Variants in SND1 observed in about 807,000 individuals in gnomAD.
SND1 encodes the protein staphylococcal nuclease and tudor domain containing 1, also known as staphylococcal nuclease domain-containing protein 1.
SND1 carries 38 observed loss-of-function variants against 121.7 expected under a neutral mutation model. The ratio of observed to expected loss-of-function variants is 0.31; its 90% CI spans 0.24 to 0.41. The LOEUF (loss-of-function observed/expected upper bound fraction) is 0.41. Among genes scored for constraint, SND1 ranks in the 10% least tolerant of loss-of-function variants. The probability of loss-of-function intolerance (pLI) is 1.00; values close to 1 mark genes in which losing one functional copy is unlikely to be tolerated. For synonymous variants in SND1, 401 were observed against 447.4 expected (o/e 0.90, Z 1.31); for missense variants, 868 against 1,184.6 (o/e 0.73, Z 3.92).
intron 12 of SND1, among the ~76,000 whole-genome samples, chr7:127,876,656 G>A (rs951815419): frequency 6.6e-6 from 1 of 152,140 alleles, no homozygotes; most frequent in Non-Finnish European, 1.5e-5. Context: ...TGAATGCATG[G>A]CATATTTAGC....
intron 4 of SND1, among the ~76,000 whole-genome samples, chr7:127,699,627 G>A (rs1796068366): frequency 6.6e-6 from 1 of 152,180 alleles, no homozygotes; most frequent in African/African-American, 2.4e-5. Flanking sequence ...AAGGGGTTGT[G>A]TGTATGTCAG....
At chr7:127,851,495 A>G (rs538172868) in intron 12 of SND1, among the ~76,000 whole-genome samples, 2 of 152,350 alleles carry the variant, frequency 1.3e-5, no homozygotes, top group South Asian at 2.1e-4. Flanking sequence ...GCTTAGCTAG[A>G]CAGCTGGCCA....
intron 11 of SND1, among the ~76,000 whole-genome samples, chr7:127,830,105 G>A (rs535875631): frequency 1.3e-5 from 2 of 151,992 alleles, no homozygotes; most frequent in South Asian, 2.1e-4. Flanking sequence ...CTTGGTGGCC[G>A]GGTGCGGTGG....
At chr7:127,805,149 T>A (rs1211048723) in intron 10 of SND1, among the ~76,000 whole-genome samples, 3 of 152,220 alleles carry the variant, frequency 2.0e-5, no homozygotes, top group African/African-American at 4.8e-5. Flanking sequence ...ATCCTGTACA[T>A]CTGTCCCTTG....
Position 127,792,416 on chromosome 7 carries a change from G to C in SND1, c.1153-15068G>C, listed in dbSNP as rs539049225. 3.9e-5 allele frequency among the ~76,000 whole-genome samples: 6 copies of C among 152,264 alleles called. No individual in the cohort carries two copies. In the East Asian group the frequency reaches 9.6e-4, roughly 24 times the overall value. On this transcript the variant is annotated intron_variant, in intron 10 of 23. Coordinates refer to ENST00000354725, the MANE Select transcript of SND1 (RefSeq NM_014390.4). ...AGGGTGCTTTTAGCTACTGTGTCAG[G>C]ATCCAGTAAGGAGACAGAAAGCACA...
chr7:127,696,348 C>T (rs1390095418), intron 3 of SND1, among the ~76,000 whole-genome samples: 7 of 152,158 alleles, frequency 4.6e-5, no homozygotes, highest in Non-Finnish European at 5.9e-5. Context: ...AAAACGGCTA[C>T]CTGCTTCTTA....
chr7:128,055,291 T>C (rs1793120496), intron 16 of SND1, among the ~76,000 whole-genome samples: 1 of 152,184 alleles, frequency 6.6e-6, no homozygotes, highest in Non-Finnish European at 1.5e-5. Flanking sequence ...GTTCCCATGT[T>C]CTTGTCATCT....
chr7:127,683,136 G>C (rs1795756325), intron 1 of SND1, among the ~76,000 whole-genome samples: 1 of 152,306 alleles, frequency 6.6e-6, no homozygotes, highest in African/African-American at 2.4e-5. Flanking sequence ...GACTGTTGGC[G>C]AGTAAGACAG....
intron 10 of SND1, among the ~76,000 whole-genome samples, chr7:127,730,537 T>C (rs1172530845): frequency 6.6e-6 from 1 of 152,234 alleles, no homozygotes; most frequent in African/African-American, 2.4e-5. Flanking sequence ...AATATCCCCT[T>C]TATGTGTGTT....
intron 14 of SND1, among the ~76,000 whole-genome samples, chr7:127,928,568 A>G (rs1312747017): frequency 1.4e-5 from 2 of 144,356 alleles, no homozygotes; most frequent in Non-Finnish European, 3.0e-5. Context: ...TGGTCTTCTT[A>G]CCTCAACTTT....
chr7:127,977,847 G>C (rs1309752960), intron 15 of SND1, among the ~76,000 whole-genome samples: 1 of 152,180 alleles, frequency 6.6e-6, no homozygotes, highest in African/African-American at 2.4e-5. Flanking sequence ...TATGTGGATA[G>C]AGTAGGGAAG....
At chr7:127,749,809 T>G (rs1797052988) in intron 10 of SND1, among the ~76,000 whole-genome samples, 1 of 152,212 alleles carries the variant, frequency 6.6e-6, no homozygotes. Flanking sequence ...TTGGGAACCT[T>G]CAGATGAGAA....
intron 13 of SND1, among the ~76,000 whole-genome samples, chr7:127,889,297 A>C (rs1799966514): frequency 6.6e-6 from 1 of 151,924 alleles, no homozygotes; most frequent in Non-Finnish European, 1.5e-5. Flanking sequence ...GACAGTCCCA[A>C]AGAACTCATG....
intron 14 of SND1, among the ~76,000 whole-genome samples, chr7:127,923,672 G>A (rs936021175): frequency 1.3e-5 from 2 of 152,166 alleles, no homozygotes; most frequent in Admixed American, 6.5e-5. Flanking sequence ...AGTGTGGAGC[G>A]ATAGGTGATG....
intron 14 of SND1, among the ~76,000 whole-genome samples, chr7:127,920,005 T>G (rs1800665216): frequency 6.6e-6 from 1 of 152,180 alleles, no homozygotes; most frequent in African/African-American, 2.4e-5. Flanking sequence ...TATCTCTTAT[T>G]CCTGTGTTTG....
At chr7:127,707,174 T>C (rs984319610) in intron 8 of SND1, among the ~76,000 whole-genome samples, 2 of 152,226 alleles carry the variant, frequency 1.3e-5, no homozygotes, top group Non-Finnish European at 2.9e-5. Context: ...TGGTAACCTT[T>C]TTGTAATTCA....
At chr7:127,963,450 G>A (rs1382195158) in intron 15 of SND1, among the ~76,000 whole-genome samples, 2 of 134,128 alleles carry the variant, frequency 1.5e-5, no homozygotes, top group Non-Finnish European at 3.1e-5. Context: ...TCCCCTTCCT[G>A]TGTCCATGTG....
intron 15 of SND1, among the ~76,000 whole-genome samples, chr7:127,978,768 C>A (rs1412934372): frequency 6.6e-6 from 1 of 152,138 alleles, no homozygotes; most frequent in Non-Finnish European, 1.5e-5. Flanking sequence ...GGTTTAGTTA[C>A]CCTGTACTAT....
chr7:128,067,107 G>T (rs1036872779), intron 16 of SND1, among the ~76,000 whole-genome samples: 1 of 152,126 alleles, frequency 6.6e-6, no homozygotes, highest in Non-Finnish European at 1.5e-5. Context: ...CAGTCTGTCA[G>T]CTTTGCTGCC....
Sources: allele counts gnomAD v4.1 joint callset (sites outside exome capture counted in the v4.1 genomes callset), GRCh38; gene constraint gnomAD v4.1.1; transcripts MANE v1.5; gene names NCBI Gene and HGNC (gene_info 2026-07-23, HGNC 2026-07-21).